Variants in GRIP1 observed in about 807,000 individuals in gnomAD.
GRIP1 encodes the protein glutamate receptor-interacting protein 1.
GRIP1 carries 45 observed loss-of-function variants against 129.9 expected under a neutral mutation model. The observed-to-expected ratio is 0.35, with a 90% CI of 0.27 to 0.44. The LOEUF (loss-of-function observed/expected upper bound fraction) is 0.44. GRIP1 is among the 20% of genes least tolerant of loss of function. GRIP1 has a pLI of 1.00. For synonymous variants in GRIP1, 530 were observed against 520.8 expected (o/e 1.02, Z -0.24); for missense variants, 1,196 against 1,396.8 (o/e 0.86, Z 2.29).
intron 5 of GRIP1, among the ~76,000 whole-genome samples, chr12:66,522,855 C>T (rs2061068188): frequency 6.6e-6 from 1 of 152,140 alleles, no homozygotes; most frequent in Middle Eastern, 3.4e-3. Flanking sequence ...GAGCTGAAAG[C>T]CAAGGCTTGA....
upstream of GRIP1, among the ~76,000 whole-genome samples, chr12:66,680,531 T>C (rs961584119): frequency 4.1e-4 from 63 of 152,074 alleles, no homozygotes; most frequent in Admixed American, 9.8e-4. Flanking sequence ...CAAAATCAAA[T>C]TTTTATAATT....
chr12:66,402,964 G>C (rs1295203870), intron 16 of GRIP1, among the ~76,000 whole-genome samples: 1 of 152,176 alleles, frequency 6.6e-6, no homozygotes, highest in Non-Finnish European at 1.5e-5. Context: ...GTGGAGCATG[G>C]ACTGTGCCAG....
At chr12:66,547,885 T>A (rs1455946487) in intron 2 of GRIP1, among the ~76,000 whole-genome samples, 1 of 152,196 alleles carries the variant, frequency 6.6e-6, no homozygotes, top group East Asian at 1.9e-4. Context: ...TTACATATAG[T>A]TCTGTAGATA....
intron 1 of GRIP1, among the ~76,000 whole-genome samples, chr12:66,666,144 T>C (rs953789528): frequency 2.0e-5 from 3 of 152,188 alleles, no homozygotes; most frequent in Admixed American, 2.0e-4. Flanking sequence ...CTAGTTATAA[T>C]TTTTATGCTT....
At chr12:66,702,518 CTG>C (rs2035384943) in intron 1 of GRIP1, among the ~76,000 whole-genome samples, 1 of 152,000 alleles carries the variant, frequency 6.6e-6, no homozygotes, top group African/African-American at 2.4e-5. Context: ...ATGGCTTGCT[CTG>C]TGTATTTTAC....
At chr12:66,472,044 A>G (rs986433160) in intron 7 of GRIP1, among the ~76,000 whole-genome samples, 6 of 152,226 alleles carry the variant, frequency 3.9e-5, no homozygotes, top group Non-Finnish European at 8.8e-5. Context: ...GGCATTTTAC[A>G]TAAGTGACTA....
chr12:66,351,517 C>T (rs1463608735), intron 24 of GRIP1, among the ~76,000 whole-genome samples: 2 of 148,654 alleles, frequency 1.3e-5, no homozygotes, highest in South Asian at 2.1e-4. Context: ...AAAAAGTTTA[C>T]AATCTGCTGG....
At chr12:66,527,597 C>G (rs990020966) in intron 5 of GRIP1, among the ~76,000 whole-genome samples, 2 of 151,990 alleles carry the variant, frequency 1.3e-5, no homozygotes. Flanking sequence ...ATGGATGCAG[C>G]ACACCAACAT....
chr12:66,871,143 G>A (rs2040289367), intron 1 of GRIP1, among the ~76,000 whole-genome samples: 1 of 95,130 alleles, frequency 1.1e-5, no homozygotes, highest in East Asian at 3.8e-4. Context: ...GGTGTAGGTT[G>A]GGAAGAGGGG....
At chr12:66,641,444 T>C (rs766057236) in intron 1 of GRIP1, among the ~76,000 whole-genome samples, 4 of 152,230 alleles carry the variant, frequency 2.6e-5, no homozygotes, top group Non-Finnish European at 5.9e-5. Flanking sequence ...TTTTAAATTT[T>C]TGAATTTTCT....
intron 2 of GRIP1, among the ~76,000 whole-genome samples, chr12:66,552,024 C>T (rs1392321590): frequency 6.6e-6 from 1 of 152,148 alleles, no homozygotes; most frequent in African/African-American, 2.4e-5. Context: ...AAAGAAAGAA[C>T]ACTCTGGAAG....
At position 66,689,179 on chromosome 12, in the gene GRIP1, C is replaced by G. The variant is rs148962716; in HGVS notation, c.-419-58843G>C. Among the ~76,000 whole-genome samples the G allele has an allele frequency of 3.2e-3, 491 of 152,310 alleles. 2 individuals are homozygous for G. The highest frequency in any genetic ancestry group is 0.011 in the African/African-American group (463 of 41,574). ...TTTCCCATCAAAAGACAGGAAGGAT[C>G]ATGGGATCCCTCTAAGTTCTTAGAT... On this transcript the variant is annotated intron_variant, in intron 1 of 4. Transcript: ENST00000538373.
chr12:66,490,250 A>G (rs974052218), intron 7 of GRIP1, among the ~76,000 whole-genome samples: 1 of 152,228 alleles, frequency 6.6e-6, no homozygotes, highest in Non-Finnish European at 1.5e-5. Context: ...TACAGTAACC[A>G]AAACAACATG....
intron 2 of GRIP1, among the ~76,000 whole-genome samples, chr12:66,589,361 A>G (rs1357931024): frequency 6.6e-6 from 1 of 151,792 alleles, no homozygotes; most frequent in Non-Finnish European, 1.5e-5. Flanking sequence ...GTTTCTTTTC[A>G]TTTGTTAAAA....
chr12:66,984,857 TA>T (rs2042288518), intron 1 of GRIP1, among the ~76,000 whole-genome samples: 1 of 152,216 alleles, frequency 6.6e-6, no homozygotes, highest in African/African-American at 2.4e-5. Context: ...TGCTGTGAAA[TA>T]AACCATCCTA....
chr12:66,709,912 C>T (rs2035658679), intron 1 of GRIP1, among the ~76,000 whole-genome samples: 1 of 151,870 alleles, frequency 6.6e-6, no homozygotes, highest in South Asian at 2.1e-4. Context: ...TGTAGAATAT[C>T]CCTTAACTGG....
At chr12:66,842,561 G>T (rs572207458) in intron 1 of GRIP1, among the ~76,000 whole-genome samples, 1 of 152,168 alleles carries the variant, frequency 6.6e-6, no homozygotes, top group African/African-American at 2.4e-5. Flanking sequence ...CTCAATATTT[G>T]CTATTAGTAT....
At chr12:66,451,408 T>G (rs1397149978) in intron 11 of GRIP1, among the ~76,000 whole-genome samples, 1 of 116,694 alleles carries the variant, frequency 8.6e-6, no homozygotes, top group African/African-American at 3.5e-5. Flanking sequence ...TTTTTTTTTT[T>G]TTTTTTTTTT....
chr12:67,004,047 T>C (rs2042591567), intron 1 of GRIP1, among the ~76,000 whole-genome samples: 1 of 152,168 alleles, frequency 6.6e-6, no homozygotes, highest in African/African-American at 2.4e-5. Context: ...CCTCTGTGAC[T>C]CTCTCTCATA....
Sources: allele counts gnomAD v4.1 joint callset (sites outside exome capture counted in the v4.1 genomes callset), GRCh38; gene constraint gnomAD v4.1.1; transcripts MANE v1.5; gene names NCBI Gene and HGNC (gene_info 2026-07-23, HGNC 2026-07-21).